Variants in CCDC171 observed in about 807,000 individuals in gnomAD.
The protein encoded by CCDC171 is coiled-coil domain-containing protein 171.
A neutral mutation model predicts 168.2 loss-of-function variants in CCDC171; 177 were observed. That is an observed-to-expected ratio of 1.05 (90% CI 0.93 to 1.19). The LOEUF is 1.19. Ranked by LOEUF, CCDC171 falls within the 50% of genes most tolerant of loss-of-function variation. The pLI is 0.00. For synonymous variants in CCDC171, 687 were observed against 540.8 expected (o/e 1.27, Z -3.75); for missense variants, 1,991 against 1,539.0 (o/e 1.29, Z -4.91).
chr9:15,575,985 GGGTGGCTGA>G (rs1365787335), intron 3 of CCDC171, among the ~76,000 whole-genome samples: 1 of 151,960 alleles, frequency 6.6e-6, no homozygotes, highest in African/African-American at 2.4e-5. Context: ...CCAGCTACTT[GGGTGGCTGA>G]GGTGGGAGAC....
intron 23 of CCDC171, among the ~76,000 whole-genome samples, chr9:15,850,716 A>G (rs1436704491): frequency 6.6e-6 from 1 of 151,966 alleles, no homozygotes; most frequent in Non-Finnish European, 1.5e-5. Flanking sequence ...GTCCTCTGAA[A>G]GTCTCAGGAA....
At chr9:16,090,298 G>T in the CCDC171 span, among the ~76,000 whole-genome samples, 2 of 152,174 alleles carry the variant, frequency 1.3e-5, no homozygotes, top group South Asian at 2.1e-4. Context: ...GAAACCATCA[G>T]TCTCAGCAAA....
intron 11 of CCDC171, among the ~76,000 whole-genome samples, chr9:15,713,098 A>G (rs1588100919): frequency 6.6e-6 from 1 of 152,188 alleles, no homozygotes; most frequent in African/African-American, 2.4e-5. Context: ...AAACAGTTAG[A>G]CACCACACAT....
intron 7 of CCDC171, among the ~76,000 whole-genome samples, chr9:15,625,092 C>A (rs1274752171): frequency 6.6e-6 from 1 of 152,088 alleles, no homozygotes; most frequent in African/African-American, 2.4e-5. Context: ...TTTCATGTGT[C>A]TGTTGGCTGC....
intron 10 of CCDC171, among the ~76,000 whole-genome samples, chr9:15,680,790 A>T (rs961757580): frequency 6.6e-6 from 1 of 152,188 alleles, no homozygotes; most frequent in South Asian, 2.1e-4. Flanking sequence ...GGAGAAAAAT[A>T]TATCAGGGTC....
At chr9:16,018,127 A>T (rs1202164757) in intron 3 of CCDC171, among the ~76,000 whole-genome samples, 1 of 152,184 alleles carries the variant, frequency 6.6e-6, no homozygotes, top group Admixed American at 6.5e-5. Context: ...CAGGTAGAAT[A>T]GATGTTAGGT....
chr9:15,564,106 A>G lies in CCDC171; in HGVS notation c.18A>G (p.Ser6=). Residue 6 remains serine (S), a synonymous_variant, in exon 2 of 26, where the codon TCA becomes TCG. Coordinates refer to ENST00000380701, the MANE Select transcript of CCDC171 (RefSeq NM_173550.4). The part of the protein sequence containing the change: MNLNT[S]SNTGDTQRLK... ...AAAACATCATGAATTTGAATACTTC[A>G]AGTAATACTGGTGATACCCAAAGGT... 1 of 1,607,856 alleles carries G rather than the reference A, an allele frequency of 6.2e-7. No individual in the cohort carries two copies. Among genetic ancestry groups the G allele is most frequent in the Non-Finnish European group, 8.5e-7 (1 of 1,176,964 alleles).
chr9:16,023,546 A>G (rs1833216709), intron 6 of CCDC171, among the ~76,000 whole-genome samples: 1 of 152,146 alleles, frequency 6.6e-6, no homozygotes, highest in Non-Finnish European at 1.5e-5. Context: ...TGTCCAGAGG[A>G]ATAACTTAGG....
At chr9:15,996,975 G>A (rs1832393753) in intron 3 of CCDC171, among the ~76,000 whole-genome samples, 1 of 152,108 alleles carries the variant, frequency 6.6e-6, no homozygotes, top group African/African-American at 2.4e-5. Flanking sequence ...ATTGTGTCCT[G>A]GACCTCATAC....
the CCDC171 span, among the ~76,000 whole-genome samples, chr9:16,100,875 TC>T: frequency 6.6e-6 from 1 of 152,068 alleles, no homozygotes; most frequent in Non-Finnish European, 1.5e-5. Flanking sequence ...GGTTTCTTGC[TC>T]CCCCTTCACC....
chr9:16,041,287 G>T (rs1833567315), upstream of CCDC171, among the ~76,000 whole-genome samples: 1 of 152,190 alleles, frequency 6.6e-6, no homozygotes, highest in Non-Finnish European at 1.5e-5. Context: ...GTCAGTGGGA[G>T]CAGGGAGGCA....
intron 11 of CCDC171, among the ~76,000 whole-genome samples, chr9:15,712,034 A>G (rs372921434): frequency 6.6e-6 from 1 of 152,186 alleles, no homozygotes; most frequent in Non-Finnish European, 1.5e-5. Flanking sequence ...GGGAGAGCTG[A>G]TGATGTAAGC....
intron 25 of CCDC171, among the ~76,000 whole-genome samples, chr9:15,954,961 C>T (rs1383805050): frequency 6.6e-6 from 1 of 151,922 alleles, no homozygotes; most frequent in Admixed American, 6.6e-5. Flanking sequence ...TATTATTTTC[C>T]TTTGAATGAG....
chr9:15,809,391 T>G (rs1227819501), intron 21 of CCDC171, among the ~76,000 whole-genome samples: 1 of 152,190 alleles, frequency 6.6e-6, no homozygotes, highest in African/African-American at 2.4e-5. Flanking sequence ...GTGTCTGAAA[T>G]TGGTGGGTTC....
chr9:15,680,900 G>C (rs1435464665), intron 10 of CCDC171, among the ~76,000 whole-genome samples: 3 of 152,134 alleles, frequency 2.0e-5, no homozygotes, highest in Non-Finnish European at 2.9e-5. Flanking sequence ...CAAGAGTTAA[G>C]ACATAATCAC....
intron 3 of CCDC171, among the ~76,000 whole-genome samples, chr9:16,006,876 G>A (rs1019028949): frequency 3.3e-5 from 5 of 152,136 alleles, no homozygotes; most frequent in African/African-American, 1.2e-4. Flanking sequence ...GTTGTGAATA[G>A]TACCGCAATA....
At chr9:15,747,152 C>T (rs1281780226) in intron 18 of CCDC171, among the ~76,000 whole-genome samples, 1 of 152,222 alleles carries the variant, frequency 6.6e-6, no homozygotes, top group Non-Finnish European at 1.5e-5. Context: ...GAAGCTCAAA[C>T]TGGGCGGAGC....
intron 1 of CCDC171, among the ~76,000 whole-genome samples, chr9:15,556,932 G>C (rs1386099740): frequency 1.3e-5 from 2 of 152,168 alleles, no homozygotes; most frequent in Non-Finnish European, 1.5e-5. Context: ...GTATAAGGAA[G>C]GGTTCCAGTT....
chr9:15,574,114 A>AT (rs1448567142), intron 3 of CCDC171, among the ~76,000 whole-genome samples: 33 of 151,014 alleles, frequency 2.2e-4, no homozygotes, highest in Admixed American at 2.2e-3. Flanking sequence ...ACTAATTATT[A>AT]TTTTTTCAAT....
Sources: gnomAD v4.1 joint callset for allele counts (sites outside exome capture counted in the v4.1 genomes callset) on GRCh38, gnomAD v4.1.1 for gene constraint, MANE v1.5 for transcripts, NCBI Gene and HGNC (gene_info 2026-07-23, HGNC 2026-07-21) for gene names.